Variants in PBRM1 observed in about 807,000 individuals in gnomAD.
PBRM1 encodes protein polybromo-1.
A neutral mutation model predicts 194.5 loss-of-function variants in PBRM1; 27 were observed. That is an observed-to-expected ratio of 0.14 (90% confidence interval 0.10 to 0.19). The LOEUF (loss-of-function observed/expected upper bound fraction) is 0.19, where lower values mean the gene tolerates loss of function less well. Among genes scored for constraint, PBRM1 ranks in the 10% least tolerant of loss-of-function variants. PBRM1 has a pLI of 1.00. For missense variants in PBRM1, 1,466 were observed against 2,077.2 expected, an observed-to-expected ratio of 0.71 and a Z score of 5.72; for synonymous variants, 655 against 693.2, an observed-to-expected ratio of 0.94 and a Z score of 0.87.
At chr3:52,577,363 G>A (rs548149842) in intron 21 of PBRM1, among the ~76,000 whole-genome samples, 1 of 149,570 alleles carries the variant, frequency 6.7e-6, no homozygotes, top group South Asian at 2.1e-4. Flanking sequence ...CCCAGGAGGT[G>A]GAGGTTGCAG....
chr3:52,559,110 T>A (rs2153462787), intron 25 of PBRM1, among the ~76,000 whole-genome samples: 1 of 152,302 alleles, frequency 6.6e-6, no homozygotes, highest in South Asian at 2.1e-4. Flanking sequence ...AACACGTATG[T>A]AGCAATGGAC....
Position 52,658,864 on chromosome 3 carries a change from A to C in PBRM1, c.529-549T>G, listed in dbSNP as rs188994863. ...CCCTTGTACTAGGTCCTTCTACTGA[A>C]CCTTTTTCTACAGTAAATATTGCAA... On this transcript the variant is annotated intron_variant, in intron 4 of 29. Coordinates refer to ENST00000296302, the Ensembl canonical transcript of PBRM1. Among the ~76,000 whole-genome samples, 10 of 152,274 alleles carry C rather than the reference A, an allele frequency of 6.6e-5. 1 individual carries two copies. In the East Asian group the frequency reaches 1.7e-3, roughly 26 times the overall value.
intron 20 of PBRM1, 37 bp from the exon 23 acceptor site, chr3:52,579,236 A>G: frequency 6.3e-7 from 1 of 1,586,248 alleles, no homozygotes; most frequent in Non-Finnish European, 8.7e-7. Flanking sequence ...AAGGTAGTTG[A>G]TAATCAAGGA....
chr3:52,661,364 C>T (rs1214957797), intron 4 of PBRM1, among the ~76,000 whole-genome samples: 1 of 152,082 alleles, frequency 6.6e-6, no homozygotes, highest in African/African-American at 2.4e-5. Context: ...TTTATCAGCA[C>T]CTACATGTCA....
chr3:52,553,488 CTT>C (rs35486235), intron 27 of PBRM1, among the ~76,000 whole-genome samples: 32 of 128,928 alleles, frequency 2.5e-4, no homozygotes, highest in Non-Finnish European at 2.8e-4. Context: ...TAATGTCAGG[CTT>C]TTTTTTTTTT....
At chr3:52,584,736 A>G (rs556108540) in intron 20 of PBRM1, among the ~76,000 whole-genome samples, 1 of 152,212 alleles carries the variant, frequency 6.6e-6, no homozygotes, top group East Asian at 1.9e-4. Flanking sequence ...GATTACAGGT[A>G]TGAGCCAACA....
chr3:52,676,717 TCAGAAGAAGA>T (rs1413857420), intron 2 of PBRM1, among the ~76,000 whole-genome samples: 1 of 152,180 alleles, frequency 6.6e-6, no homozygotes, highest in Non-Finnish European at 1.5e-5. Context: ...TTTGGAGGGC[TCAGAAGAAGA>T]CAGGAAAATG....
chr3:52,665,128 A>C (rs2096805186), intron 3 of PBRM1, among the ~76,000 whole-genome samples: 1 of 152,176 alleles, frequency 6.6e-6, no homozygotes, highest in Non-Finnish European at 1.5e-5. Flanking sequence ...AGTAATAATG[A>C]ATGGTACTGA....
intron 17 of PBRM1, among the ~76,000 whole-genome samples, chr3:52,599,842 A>AG (rs2093860697): frequency 6.6e-6 from 1 of 151,724 alleles, no homozygotes; most frequent in Non-Finnish European, 1.5e-5. Flanking sequence ...AAAAAAAAAA[A>AG]ATTTTTTTTT....
exon 13 of PBRM1, chr3:52,627,279 C>G: frequency 6.3e-7 from 1 of 1,591,176 alleles, no homozygotes; most frequent in Non-Finnish European, 8.6e-7. Flanking sequence ...ATACCTTTTT[C>G]TTTTGGCACT....
chr3:52,562,539 T>C (rs2083899006), intron 24 of PBRM1, among the ~76,000 whole-genome samples: 1 of 130,114 alleles, frequency 7.7e-6, no homozygotes. Flanking sequence ...AGAAAATTCT[T>C]TTTTTTTTTT....
At chr3:52,667,092 C>G (rs917865410) in intron 3 of PBRM1, among the ~76,000 whole-genome samples, 86 of 152,108 alleles carry the variant, frequency 5.7e-4, no homozygotes, top group Admixed American at 1.9e-3. Flanking sequence ...TTGATTCCTA[C>G]CTTATAAAAG....
At chr3:52,596,972 CACAG>C (rs2093615090) in intron 17 of PBRM1, among the ~76,000 whole-genome samples, 1 of 152,182 alleles carries the variant, frequency 6.6e-6, no homozygotes, top group Admixed American at 6.6e-5. Context: ...CCCTTTAGCA[CACAG>C]TGGCAAGGCT....
intron 13 of PBRM1, among the ~76,000 whole-genome samples, chr3:52,620,577 A>T (rs1413205425): frequency 3.9e-5 from 6 of 152,170 alleles, no homozygotes; most frequent in Non-Finnish European, 7.4e-5. Context: ...AGATTTTTAT[A>T]AGAGGAGAGA....
intron 3 of PBRM1, among the ~76,000 whole-genome samples, chr3:52,666,647 T>G (rs898111045): frequency 6.6e-6 from 1 of 152,090 alleles, no homozygotes; most frequent in African/African-American, 2.4e-5. Flanking sequence ...ATCCCAGCAC[T>G]TGGGAGACCG....
chr3:52,643,035 G>C (rs527584882), intron 9 of PBRM1, among the ~76,000 whole-genome samples: 20 of 152,106 alleles, frequency 1.3e-4, no homozygotes, highest in Admixed American at 1.3e-3. Flanking sequence ...TGATTCACCC[G>C]TATCAGCCTC....
chr3:52,675,911 C>T (rs145543472), intron 2 of PBRM1, among the ~76,000 whole-genome samples: 3,885 of 50,102 alleles, frequency 0.078, 1,106 homozygotes, highest in African/African-American at 0.21. Flanking sequence ...GTCAGGAGAT[C>T]GAGACCATCC....
chr3:52,564,255 A>C, intron 22 of PBRM1, 22 bp from the exon 25 acceptor site: 1 of 1,569,692 alleles, frequency 6.4e-7, no homozygotes, highest in Non-Finnish European at 8.8e-7. Flanking sequence ...AATTAGAAAG[A>C]AATTAAAGGA....
At chr3:52,587,002 C>T (rs1490188936) in intron 19 of PBRM1, among the ~76,000 whole-genome samples, 8 of 151,958 alleles carry the variant, frequency 5.3e-5, no homozygotes, top group Admixed American at 2.0e-4. Context: ...TTGAAGAGGG[C>T]TTGTGTGTGT....
Sources: gnomAD v4.1 joint callset for allele counts (sites outside exome capture counted in the v4.1 genomes callset) on GRCh38, gnomAD v4.1.1 for gene constraint, MANE v1.5 for transcripts, NCBI Gene and HGNC (gene_info 2026-07-23, HGNC 2026-07-21) for gene names.